The following GABPB1 variants were observed in gnomAD, a reference collection of about 807,000 sequenced individuals.
GABPB1 encodes GA-binding protein subunit beta-1.
GABPB1 carries 15 observed loss-of-function variants against 45.9 expected under a neutral mutation model. The ratio of observed to expected loss-of-function variants is 0.33; its 90% confidence interval spans 0.22 to 0.50. The LOEUF is 0.50. Among genes scored for constraint, GABPB1 ranks in the 20% least tolerant of loss-of-function variants. The pLI, the probability that GABPB1 is intolerant of heterozygous loss-of-function variation, is 0.98. For missense variants in GABPB1, 252 were observed against 457.5 expected (o/e 0.55, Z 4.10); for synonymous variants, 143 against 154.4 (o/e 0.93, Z 0.55).
At chr15:50,354,586 C>T (rs8552) in intron 1 of GABPB1, 22,839 of 448,056 alleles carry the variant, frequency 0.051, 1,199 homozygotes, top group East Asian at 0.21. Context: ...CCGCCCACTG[C>T]CAACCTCCAG....
At chr15:50,305,778 G>T (rs2046927887) in intron 2 of GABPB1, among the ~76,000 whole-genome samples, 1 of 151,840 alleles carries the variant, frequency 6.6e-6, no homozygotes, top group Non-Finnish European at 1.5e-5. Flanking sequence ...ATACATATAT[G>T]CAGGGTTTTT....
chr15:50,335,614 G>A (rs1001846827), intron 1 of GABPB1, among the ~76,000 whole-genome samples: 1 of 152,032 alleles, frequency 6.6e-6, no homozygotes, highest in African/African-American at 2.4e-5. Flanking sequence ...AAGAAGACTG[G>A]TCGGCCGGGT....
chr15:50,344,064 T>C (rs2048477603), intron 1 of GABPB1, among the ~76,000 whole-genome samples: 1 of 152,184 alleles, frequency 6.6e-6, no homozygotes, highest in Non-Finnish European at 1.5e-5. Context: ...TTCATTACTA[T>C]AACATCAGAG....
intron 1 of GABPB1, among the ~76,000 whole-genome samples, chr15:50,338,188 T>C (rs8041259): frequency 0.65 from 96,547 of 149,634 alleles, 32,134 homozygotes; most frequent in African/African-American, 0.83. Context: ...TACAGGCACG[T>C]GCCACCACAC....
intron 1 of GABPB1, among the ~76,000 whole-genome samples, chr15:50,317,663 A>C (rs996672726): frequency 1.3e-5 from 2 of 152,146 alleles, no homozygotes; most frequent in Non-Finnish European, 2.9e-5. Flanking sequence ...TAATCCCAGC[A>C]CTTTGGGAGG....
chr15:50,350,800 G>C (rs190980995), intron 1 of GABPB1: 2 of 152,132 alleles, frequency 1.3e-5, no homozygotes, highest in Non-Finnish European at 2.9e-5. Flanking sequence ...TCTTGAAAGA[G>C]AATTGAAATC....
At chr15:50,311,981 T>A (rs901242241) in intron 1 of GABPB1, among the ~76,000 whole-genome samples, 2 of 152,130 alleles carry the variant, frequency 1.3e-5, no homozygotes, top group African/African-American at 4.8e-5. Flanking sequence ...GATATACATA[T>A]CCCAAACAGG....
At chr15:50,298,037 G>T (rs1385737455) in intron 6 of GABPB1, among the ~76,000 whole-genome samples, 6 of 152,150 alleles carry the variant, frequency 3.9e-5, no homozygotes, top group African/African-American at 1.4e-4. Context: ...AAAATTTCCA[G>T]CTGACTTAGA....
chr15:50,324,395 A>C (rs1306078249), intron 1 of GABPB1, among the ~76,000 whole-genome samples: 1 of 152,046 alleles, frequency 6.6e-6, no homozygotes, highest in African/African-American at 2.4e-5. Context: ...CTCACTTTAC[A>C]GATGGGAAAA....
intron 1 of GABPB1, among the ~76,000 whole-genome samples, chr15:50,329,409 C>T (rs1195209369): frequency 1.3e-5 from 2 of 152,062 alleles, no homozygotes; most frequent in Non-Finnish European, 1.5e-5. Flanking sequence ...TCTATTGATT[C>T]GTAATCATTC....
chr15:50,340,732 G>A (rs962191977), intron 1 of GABPB1, among the ~76,000 whole-genome samples: 1 of 147,124 alleles, frequency 6.8e-6, no homozygotes, highest in Non-Finnish European at 1.5e-5. Context: ...ATGAGACCAT[G>A]CATCTTTATC....
At chr15:50,308,507 G>C (rs2047020805) in intron 2 of GABPB1, among the ~76,000 whole-genome samples, 1 of 152,164 alleles carries the variant, frequency 6.6e-6, no homozygotes, top group South Asian at 2.1e-4. Flanking sequence ...GAGGGACAGG[G>C]TATTCCTGCT....
chr15:50,313,841 T>C (rs1387302653), intron 1 of GABPB1, among the ~76,000 whole-genome samples: 1 of 152,180 alleles, frequency 6.6e-6, no homozygotes, highest in Non-Finnish European at 1.5e-5. Flanking sequence ...CTATATTACC[T>C]AATTTAAAAA....
Position 50,315,623 on chromosome 15 carries a change from G to A in GABPB1, c.1-5825C>T, listed in dbSNP as rs964153811. On this transcript the variant is annotated intron_variant, in intron 1 of 8. Coordinates refer to ENST00000380877, the MANE Select transcript of GABPB1 (RefSeq NM_016654.5). ...AGTTTTAAATAATGAAAACAAAATC[G>A]TAGCATTTTCACTTCTGATTCTCAC... 1.1e-4 allele frequency among the ~76,000 whole-genome samples: 16 copies of A among 152,272 alleles called. No individual in the cohort carries two copies. The South Asian group carries it at 1.7e-3, about 16-fold the overall frequency.
chr15:50,324,702 G>A (rs1199874139), intron 1 of GABPB1, among the ~76,000 whole-genome samples: 6 of 151,836 alleles, frequency 4.0e-5, no homozygotes, highest in South Asian at 2.1e-4. Context: ...ATGCCACCAC[G>A]CCCAGCTAAT....
At chr15:50,331,352 G>A (rs966933554) in intron 1 of GABPB1, among the ~76,000 whole-genome samples, 7 of 152,152 alleles carry the variant, frequency 4.6e-5, no homozygotes, top group African/African-American at 1.7e-4. Context: ...TAACAGTAGT[G>A]GTAGCAGCTT....
chr15:50,309,746 T>C lies in GABPB1; in HGVS notation c.53A>G (p.Gln18Arg), dbSNP rs550947471. 1.2e-6 allele frequency: 2 copies of C among 1,613,824 alleles called. No homozygotes were observed. The highest frequency in any genetic ancestry group is 1.3e-5 in the African/African-American group (1 of 75,056). ...CATCAAAATACGAACTTCATCATCT[T>C]GACCTGCTCGTGCCGCTTCTAAAAG... ...KKLLEAARAG[Q>R]DDEVRILMAN... Residue 18 changes from glutamine to arginine, a missense_variant, in exon 2 of 9, where the codon CAA (glutamine) becomes CGA (arginine). By Grantham distance (43) the Gln-to-Arg change is conservative. Coordinates refer to ENST00000380877, the MANE Select transcript of GABPB1 (RefSeq NM_016654.5).
At position 50,300,773 on chromosome 15, in the gene GABPB1, G is replaced by C; in HGVS notation, c.697+16C>G. 6.7e-7 allele frequency: 1 copy of C among 1,490,762 alleles called. No homozygotes were observed. The highest frequency in any genetic ancestry group is 9.4e-7 in the Non-Finnish European group (1 of 1,067,888). 92.3% of individuals were successfully genotyped at this position (1,490,762 alleles called of 1,614,324 possible). A position where few individuals can be genotyped will look rare whatever the true frequency, so the allele number is the denominator to read the frequency against. On this transcript the variant is annotated intron_variant, in intron 6 of 8. Coordinates refer to ENST00000380877, the MANE Select transcript of GABPB1 (RefSeq NM_016654.5). The stretch of plus-strand genomic sequence containing the variant: ...ATCTGCAATTTTAATGTACACATTA[G>C]ACTCGTTTTTCTAACCTGGAGTTTC...
At position 50,278,692 on chromosome 15, in the gene GABPB1, C is replaced by T. The variant is rs2045886959; in HGVS notation, c.1092G>A (p.Glu364=). 2 of 1,613,612 alleles carry T rather than the reference C, an allele frequency of 1.2e-6. No homozygotes were observed. Among genetic ancestry groups the T allele is most frequent in the East Asian group, 2.2e-5 (1 of 44,858 alleles). Residue 364 remains glutamate (E), a synonymous_variant, in exon 9 of 9, where the codon GAG becomes GAA. Coordinates refer to ENST00000380877, the MANE Select transcript of GABPB1 (RefSeq NM_016654.5). ...TAGCTTCCAACTTCTGTCTGTAGGC[C>T]TCTGCTTCCTGTTCTTTCTTTAGGA... The part of the protein sequence containing the change: ...QQLLKKEQEA[E]AYRQKLEAMT...
Sources: allele counts gnomAD v4.1 joint callset (sites outside exome capture counted in the v4.1 genomes callset), GRCh38; gene constraint gnomAD v4.1.1; transcripts MANE v1.5; gene names NCBI Gene and HGNC (gene_info 2026-07-23, HGNC 2026-07-21).